The following KLHL14 variants were observed in gnomAD, a reference collection of about 807,000 sequenced individuals.
The protein encoded by KLHL14 is kelch like family member 14.
In KLHL14, 22 loss-of-function variants were observed where a neutral mutation model predicts 64.3. The observed-to-expected ratio is 0.34, with a 90% CI of 0.24 to 0.49. KLHL14 has a LOEUF of 0.49. Ranked by LOEUF, KLHL14 falls within the 20% of genes least tolerant of loss-of-function variation. The pLI, the probability that KLHL14 is intolerant of heterozygous loss-of-function variation, is 0.99. For missense variants in KLHL14, 661 were observed against 789.0 expected, an observed-to-expected ratio of 0.84 and a Z score of 1.94; for synonymous variants, 322 against 333.4, an observed-to-expected ratio of 0.97 and a Z score of 0.37.
intron 4 of KLHL14, among the ~76,000 whole-genome samples, chr18:32,687,906 A>G (rs1172540783): frequency 6.6e-6 from 1 of 152,158 alleles, no homozygotes; most frequent in Non-Finnish European, 1.5e-5. Flanking sequence ...TGTCCTATGC[A>G]TATCAAGTAA....
intron 4 of KLHL14, among the ~76,000 whole-genome samples, chr18:32,692,310 A>T (rs2144482571): frequency 6.6e-6 from 1 of 152,280 alleles, no homozygotes; most frequent in East Asian, 1.9e-4. Flanking sequence ...TTTGTACTTC[A>T]AGGGCACACA....
At chr18:32,734,019 C>T (rs2050150357) in intron 3 of KLHL14, 1 of 617,228 alleles carries the variant, frequency 1.6e-6, no homozygotes, top group African/African-American at 1.8e-5. Flanking sequence ...CTATTCTTCT[C>T]ACCCAGAGGT....
chr18:32,732,227 A>G (rs2050140530), intron 3 of KLHL14, among the ~76,000 whole-genome samples: 1 of 152,222 alleles, frequency 6.6e-6, no homozygotes, highest in Admixed American at 6.5e-5. Context: ...CCATTTCAAA[A>G]AAATAAAAAG....
chr18:32,746,037 C>CAACATAG (rs11280704), intron 2 of KLHL14, among the ~76,000 whole-genome samples: 47,640 of 151,594 alleles, frequency 0.31, 7,580 homozygotes, highest in African/African-American at 0.33. Flanking sequence ...CTTCTCATGG[C>CAACATAG]AACATAGTAT....
Position 32,677,182 on chromosome 18 carries a change from G to C in KLHL14, c.1737C>G (p.Ser579Arg). ...DDSIYLVGGY[S>R]WSMGAYKSST... ...AAATGTGGACACATACCATACTCCA[G>C]CTGTAGCCTCCCACAAGGTAAATGC... Residue 579 changes from serine to arginine, a missense_variant, in exon 8 of 9, where the codon AGC (serine) becomes AGG (arginine). Ser to Arg is a moderately radical substitution (Grantham distance 110). Coordinates refer to ENST00000359358, the MANE Select transcript of KLHL14 (RefSeq NM_020805.3). 6.2e-7 allele frequency: 1 copy of C among 1,612,114 alleles called. No individual in the cohort carries two copies. The highest frequency in any genetic ancestry group is 2.2e-5 in the East Asian group (1 of 44,862).
intron 3 of KLHL14, among the ~76,000 whole-genome samples, chr18:32,718,429 C>T (rs528070540): frequency 6.6e-6 from 1 of 152,268 alleles, no homozygotes; most frequent in African/African-American, 2.4e-5. Flanking sequence ...TTCCCATGCA[C>T]CTTCTGTGAG....
At chr18:32,734,440 T>C (rs1401993532) in intron 3 of KLHL14, among the ~76,000 whole-genome samples, 1 of 152,178 alleles carries the variant, frequency 6.6e-6, no homozygotes, top group Non-Finnish European at 1.5e-5. Context: ...GAAATCATTT[T>C]CTCTTGTCAG....
intron 1 of KLHL14, chr18:32,772,020 C>A (rs1310121797): frequency 4.3e-6 from 1 of 234,158 alleles, no homozygotes; most frequent in Non-Finnish European, 8.4e-6. Context: ...GAAATCGATA[C>A]GCCAGGTCCT....
At chr18:32,763,385 G>A (rs2050324555) in intron 2 of KLHL14, among the ~76,000 whole-genome samples, 1 of 152,104 alleles carries the variant, frequency 6.6e-6, no homozygotes. Flanking sequence ...TTTGTGGTGT[G>A]ATAAAACAGA....
chr18:32,705,628 C>T lies in KLHL14; in HGVS notation c.1070-10076G>A, dbSNP rs534599392. Among the ~76,000 whole-genome samples, 11 of 152,232 alleles carry T rather than the reference C, an allele frequency of 7.2e-5. No homozygotes were observed. The South Asian group carries it at 2.3e-3, about 32-fold the overall frequency. On this transcript the variant is annotated intron_variant, in intron 3 of 8. Coordinates refer to ENST00000359358, the MANE Select transcript of KLHL14 (RefSeq NM_020805.3). ...ATCCCAGCTACTCGGGAGGCTGAGGCAGGAGAATCACTTGAACCTGTGAGG... is the reference window on the plus strand; with the variant it reads ...ATCCCAGCTACTCGGGAGGCTGAGGTAGGAGAATCACTTGAACCTGTGAGG...
chr18:32,748,434 A>T (rs950079266), intron 2 of KLHL14, among the ~76,000 whole-genome samples: 1 of 151,452 alleles, frequency 6.6e-6, no homozygotes, highest in Non-Finnish European at 1.5e-5. Flanking sequence ...CAGTGGCGCC[A>T]TCTCTGCTCA....
chr18:32,676,273 G>A (rs1480509136), intron 8 of KLHL14, among the ~76,000 whole-genome samples: 1 of 152,126 alleles, frequency 6.6e-6, no homozygotes, highest in African/African-American at 2.4e-5. Context: ...GCCAATTTCA[G>A]AATGTAGGGT....
intron 2 of KLHL14, among the ~76,000 whole-genome samples, chr18:32,762,633 GA>G (rs925135553): frequency 1.3e-5 from 2 of 152,036 alleles, no homozygotes; most frequent in Non-Finnish European, 2.9e-5. Context: ...ACAGTAAAAT[GA>G]ACACACTCAT....
At chr18:32,766,123 A>C (rs1319786507) in intron 2 of KLHL14, among the ~76,000 whole-genome samples, 1 of 152,046 alleles carries the variant, frequency 6.6e-6, no homozygotes, top group Non-Finnish European at 1.5e-5. Flanking sequence ...TTTTTTCATA[A>C]TCTTAATTCA....
Position 32,736,632 on chromosome 18 carries a change from T to G in KLHL14, c.1069+5296A>C, listed in dbSNP as rs191791508. Among the ~76,000 whole-genome samples the G allele has an allele frequency of 1.9e-3, 285 of 152,270 alleles. 2 individuals are homozygous for G. Among genetic ancestry groups the G allele is most frequent in the African/African-American group, 6.5e-3 (270 of 41,576 alleles). ...GTCTCCATGTGATATGGTTCTTGGT[T>G]AATTCTGCAGCCCCATTGCTTACTA... On this transcript the variant is annotated intron_variant, in intron 3 of 8. Coordinates refer to ENST00000359358, the MANE Select transcript of KLHL14 (RefSeq NM_020805.3).
chr18:32,723,415 G>A (rs1360434068), intron 3 of KLHL14, among the ~76,000 whole-genome samples: 3 of 152,130 alleles, frequency 2.0e-5, no homozygotes, highest in Non-Finnish European at 2.9e-5. Context: ...CTGGCTTCTG[G>A]ATGGATTTGC....
rs765029060 is a variant in KLHL14 at position 32,770,097 on chromosome 18, G to T, written c.495C>A (p.His165Gln). The T allele has an allele frequency of 3.1e-6, 5 of 1,614,062 alleles. No individual in the cohort carries two copies. Among genetic ancestry groups the T allele is most frequent in the Non-Finnish European group, 4.2e-6 (5 of 1,180,036 alleles). ...EEVLSVSKIL[H>Q]IPQVTKLCVQ... Reference sequence around the variant, plus strand: ...CGCAGAGCTTGGTGACCTGGGGGATGTGCAGGATCTTGCTGACCGACAGCA... The same window carrying T: ...CGCAGAGCTTGGTGACCTGGGGGATTTGCAGGATCTTGCTGACCGACAGCA... The change falls in exon 2 of 9, where the codon CAC (histidine) becomes CAA (glutamine). Residue 165 changes from histidine to glutamine, a missense_variant. This residue lies in a region of KLHL14 where 331 missense variants were observed against 339.0 expected (regional missense o/e 0.98). Coordinates refer to ENST00000359358, the MANE Select transcript of KLHL14 (RefSeq NM_020805.3). The surrounding 1 kb of genome is among the most constrained non-coding windows in gnomAD (Gnocchi z 6.7).
intron 2 of KLHL14, among the ~76,000 whole-genome samples, chr18:32,753,430 C>T (rs1394651959): frequency 6.6e-6 from 1 of 152,086 alleles, no homozygotes; most frequent in Admixed American, 6.6e-5. Context: ...TCATCCCGCC[C>T]CTGTGGCTCA....
At chr18:32,732,502 C>G (rs558486805) in intron 3 of KLHL14, among the ~76,000 whole-genome samples, 2 of 152,254 alleles carry the variant, frequency 1.3e-5, no homozygotes, top group East Asian at 3.9e-4. Flanking sequence ...ACTTTTCCAG[C>G]CACTTTGAAA....
Sources: allele counts gnomAD v4.1 joint callset (sites outside exome capture counted in the v4.1 genomes callset), GRCh38; gene constraint gnomAD v4.1.1; regional missense constraint gnomAD v4.1.1; non-coding constraint Gnocchi (gnomAD v3.1); transcripts MANE v1.5; gene names NCBI Gene and HGNC (gene_info 2026-07-23, HGNC 2026-07-21).